The following SORCS2 variants were observed in gnomAD, a reference collection of about 807,000 sequenced individuals.
SORCS2 encodes VPS10 domain-containing receptor SorCS2.
In SORCS2, 100 loss-of-function variants were observed where a neutral mutation model predicts 141.6. The observed-to-expected ratio is 0.71, with a 90% CI of 0.60 to 0.83. The LOEUF (loss-of-function observed/expected upper bound fraction) is 0.83, where lower values mean the gene tolerates loss of function less well. SORCS2 is among the 40% of genes least tolerant of loss of function. SORCS2 has a pLI of 0.00. For synonymous variants in SORCS2, 789 were observed against 676.9 expected (o/e 1.17, Z -2.57); for missense variants, 1,646 against 1,560.2 (o/e 1.05, Z -0.93).
intron 17 of SORCS2, among the ~76,000 whole-genome samples, chr4:7,717,574 A>G (rs569617730): frequency 2.8e-4 from 42 of 152,290 alleles, no homozygotes; most frequent in Non-Finnish European, 5.3e-4. Context: ...GTGTGTGCCC[A>G]TGGTTACGGC....
chr4:7,434,119 C>T (rs1727101831), intron 2 of SORCS2: 1 of 1,612,720 alleles, frequency 6.2e-7, no homozygotes, highest in African/African-American at 1.3e-5. Context: ...TAGCTCCTCA[C>T]AGAATCCCCC....
intron 1 of SORCS2, among the ~76,000 whole-genome samples, chr4:7,370,641 T>C (rs1416972532): frequency 2.0e-5 from 3 of 152,224 alleles, no homozygotes; most frequent in Non-Finnish European, 4.4e-5. Flanking sequence ...GCTCTTCCCC[T>C]GGCGCGGCCC....
intron 4 of SORCS2, among the ~76,000 whole-genome samples, chr4:7,644,630 A>T (rs749262577): frequency 6.6e-6 from 1 of 152,218 alleles, no homozygotes; most frequent in Non-Finnish European, 1.5e-5. Flanking sequence ...TCCAACTGCC[A>T]CTAAGAGTCC....
At chr4:7,291,952 G>C (rs1000608510) in intron 1 of SORCS2, among the ~76,000 whole-genome samples, 1 of 152,228 alleles carries the variant, frequency 6.6e-6, no homozygotes, top group Non-Finnish European at 1.5e-5. Flanking sequence ...CAGGTCTCAC[G>C]GGGCCAAGGC....
Position 7,663,770 on chromosome 4 carries a change from C to T in SORCS2, c.953-583C>T, listed in dbSNP as rs1722330135. On this transcript the variant is annotated intron_variant, in intron 6 of 26. Coordinates refer to ENST00000507866, the MANE Select transcript of SORCS2 (RefSeq NM_020777.3). This position sits in a 1 kb window ranked among gnomAD's most constrained non-coding sequence, Gnocchi z 4.8. ...AGGAGGAGGCACCCTTCCCTTGGTCCCCTTGGATAAATCTTCCTCCTGGCT... is the reference window on the plus strand; with the variant it reads ...AGGAGGAGGCACCCTTCCCTTGGTCTCCTTGGATAAATCTTCCTCCTGGCT... 6.6e-6 allele frequency among the ~76,000 whole-genome samples: 1 copy of T among 152,094 alleles called. No homozygotes were observed. The highest frequency in any genetic ancestry group is 2.4e-5 in the African/African-American group (1 of 41,406).
intron 1 of SORCS2, among the ~76,000 whole-genome samples, chr4:7,328,554 A>T (rs1186269875): frequency 6.6e-6 from 1 of 152,178 alleles, no homozygotes; most frequent in Non-Finnish European, 1.5e-5. Context: ...CCAGGTAGCC[A>T]GAGTGGAGTT....
At chr4:7,693,087 C>T (rs547621389) in intron 11 of SORCS2, among the ~76,000 whole-genome samples, 10 of 152,296 alleles carry the variant, frequency 6.6e-5, no homozygotes, top group East Asian at 5.8e-4. Flanking sequence ...GGGTTCTTCC[C>T]GACTGGGCGT....
intron 2 of SORCS2, among the ~76,000 whole-genome samples, chr4:7,491,747 C>A (rs1560328917): frequency 6.6e-6 from 1 of 152,238 alleles, no homozygotes; most frequent in Non-Finnish European, 1.5e-5. Context: ...CACCCACCCC[C>A]CGTTAAGGCA....
intron 1 of SORCS2, among the ~76,000 whole-genome samples, chr4:7,269,289 C>T (rs183638530): frequency 3.9e-5 from 6 of 152,274 alleles, no homozygotes; most frequent in African/African-American, 9.6e-5. Context: ...GGCAAGTGAC[C>T]GGCAGGAAGG....
In SORCS2 at chr4:7,704,369, C is replaced by T. The variant is rs374401426; in HGVS notation, c.1868+85C>T. 370 of 1,218,292 alleles carry T rather than the reference C, an allele frequency of 3.0e-4. No homozygotes were observed. The African/African-American group carries it at 5.0e-3, about 16-fold the overall frequency. 75.5% of individuals were successfully genotyped at this position (1,218,292 alleles called of 1,614,324 possible). The stretch of plus-strand genomic sequence containing the variant: ...CTGGGCCTACTGTGTCCTTCACCCC[C>T]CAGCCACCTGGGAATCAGGGACATC... On this transcript the variant is annotated intron_variant, in intron 14 of 26. Coordinates refer to ENST00000507866, the MANE Select transcript of SORCS2 (RefSeq NM_020777.3).
intron 1 of SORCS2, among the ~76,000 whole-genome samples, chr4:7,261,587 T>A (rs1269062954): frequency 6.6e-6 from 1 of 152,216 alleles, no homozygotes; most frequent in Non-Finnish European, 1.5e-5. Flanking sequence ...GCAAATTAGT[T>A]CCTTGAATGA....
At position 7,193,105 on chromosome 4, in the gene SORCS2, C is replaced by T; in HGVS notation, c.459C>T (p.His153=). The change falls in exon 1 of 27, where the codon CAC becomes CAT. Residue 153 remains histidine, a synonymous_variant. Transcript: ENST00000507866. The surrounding 1 kb of genome is among the most constrained non-coding windows in gnomAD (Gnocchi z 4.8). The part of the protein sequence containing the change: ...GDATHNQAMV[H]WTGENSSVIL... ...CGACGCACAACCAGGCGATGGTGCA[C>T]TGGACGGGCGAGAACAGCAGCGTAA... 6.4e-7 allele frequency: 1 copy of T among 1,553,992 alleles called. No homozygotes were observed. Among genetic ancestry groups the T allele is most frequent in the South Asian group, 1.1e-5 (1 of 87,012 alleles).
intron 3 of SORCS2, among the ~76,000 whole-genome samples, chr4:7,594,786 T>A (rs1250521957): frequency 6.6e-6 from 1 of 152,078 alleles, no homozygotes; most frequent in Non-Finnish European, 1.5e-5. Context: ...TCAATGCTCA[T>A]CCACGATGGG....
In SORCS2 at chr4:7,452,538, GT is replaced by G. The variant is rs572782358; in HGVS notation, c.548+56187del. On this transcript the variant is annotated intron_variant, in intron 2 of 26. Coordinates refer to ENST00000507866, the MANE Select transcript of SORCS2 (RefSeq NM_020777.3). ...CACACATCACCCCCAACTGCATGCA[GT>G]TTTCCGGGAGCCCTGCCCCAGCCTT... Among the ~76,000 whole-genome samples the G allele has an allele frequency of 1.6e-3, 245 of 152,258 alleles. 1 individual carries two copies. The highest frequency in any genetic ancestry group is 5.6e-3 in the African/African-American group (232 of 41,560).
intron 11 of SORCS2, among the ~76,000 whole-genome samples, chr4:7,693,855 G>A (rs914059698): frequency 2.6e-5 from 4 of 152,258 alleles, no homozygotes; most frequent in African/African-American, 9.6e-5. Context: ...ATGTGAGGGC[G>A]AGAAGCCCTT....
Position 7,703,328 on chromosome 4 carries a change from A to G in SORCS2, c.1717A>G (p.Ile573Val). 1 of 1,613,464 alleles carries G rather than the reference A, an allele frequency of 6.2e-7. No homozygotes were observed. Among genetic ancestry groups the G allele is most frequent in the East Asian group, 2.2e-5 (1 of 44,854 alleles). Residue 573 changes from isoleucine (I) to valine (V), a missense_variant, in exon 13 of 27, where the codon ATC becomes GTC. Transcript: ENST00000507866. ...CCTGTACCTGGACCACGGCGGCGTGATCGTGGCCATCAAAGACACCTCCAT... is the reference window on the plus strand; with the variant it reads ...CCTGTACCTGGACCACGGCGGCGTGGTCGTGGCCATCAAAGACACCTCCAT... ...HILYLDHGGV[I>V]VAIKDTSIPL...
intron 2 of SORCS2, among the ~76,000 whole-genome samples, chr4:7,411,980 C>G (rs1340032723): frequency 6.6e-6 from 1 of 152,232 alleles, no homozygotes; most frequent in South Asian, 2.1e-4. Context: ...CACACCCCCA[C>G]CATCCCTAGC....
At position 7,324,995 on chromosome 4, in the gene SORCS2, G is replaced by A. The variant is rs533948087; in HGVS notation, c.481-71293G>A. ...CTGGAAGGAGTCTCTCAACCTCTCC[G>A]TGAGATGGGAGGGCAGAAGGCAGTG... On this transcript the variant is annotated intron_variant, in intron 1 of 26. Coordinates refer to ENST00000507866, the MANE Select transcript of SORCS2 (RefSeq NM_020777.3). Among the ~76,000 whole-genome samples, 4 of 152,312 alleles carry A rather than the reference G, an allele frequency of 2.6e-5. No homozygotes were observed. In the South Asian group the frequency reaches 6.2e-4, roughly 24 times the overall value.
chr4:7,598,855 G>A (rs1717461695), intron 3 of SORCS2, among the ~76,000 whole-genome samples: 1 of 152,220 alleles, frequency 6.6e-6, no homozygotes, highest in Non-Finnish European at 1.5e-5. Flanking sequence ...CTGTGCTCAT[G>A]CTGAGCTCTG....
Sources: gnomAD v4.1 joint callset for allele counts (sites outside exome capture counted in the v4.1 genomes callset) on GRCh38, gnomAD v4.1.1 for gene constraint, Gnocchi (gnomAD v3.1) non-coding constraint, MANE v1.5 for transcripts, NCBI Gene and HGNC (gene_info 2026-07-23, HGNC 2026-07-21) for gene names.